CFAP20DC: variants seen among roughly 807,000 people sequenced by gnomAD.
The protein encoded by CFAP20DC is protein CFAP20DC.
In CFAP20DC, 84 loss-of-function variants were observed where a neutral mutation model predicts 101.7. The observed-to-expected ratio is 0.83, with a 90% CI of 0.69 to 0.99. The LOEUF is 0.99. CFAP20DC is among the 50% of genes least tolerant of loss of function. The pLI is 0.00. For missense variants in CFAP20DC, 1,007 were observed against 970.3 expected (o/e 1.04, Z -0.50); for synonymous variants, 359 against 351.2 (o/e 1.02, Z -0.25).
At position 58,931,076 on chromosome 3, in the gene CFAP20DC, G is replaced by A. The variant is rs1014528899; in HGVS notation, c.393+6572C>T. Among the ~76,000 whole-genome samples the A allele has an allele frequency of 1.1e-4, 16 of 152,170 alleles. 1 individual carries two copies. Among genetic ancestry groups the A allele is most frequent in the Admixed American group, 5.2e-4 (8 of 15,280 alleles). On this transcript the variant is annotated intron_variant, in intron 5 of 16. Coordinates refer to ENST00000482387, the MANE Select transcript of CFAP20DC (RefSeq NM_001394063.1). ...TGGGTCACTCCCACCCGAATACTGC[G>A]CTTTTCCGATGGGGCTTAAAAAACG... is the stretch of plus-strand genomic sequence containing the variant.
intron 12 of CFAP20DC, among the ~76,000 whole-genome samples, chr3:58,852,146 G>C (rs4308298): frequency 0.011 from 1,690 of 152,112 alleles, 40 homozygotes; most frequent in African/African-American, 0.038. Context: ...ATTGTGCTTT[G>C]TCTTCAGGAT....
chr3:58,726,165 C>G (rs1282858287), intron 3 of CFAP20DC: 5 of 152,274 alleles, frequency 3.3e-5, no homozygotes, highest in African/African-American at 9.6e-5. Context: ...ATTTCAATAC[C>G]ATTTTAGCCC....
chr3:58,939,722 T>C (rs1454715341), intron 4 of CFAP20DC, among the ~76,000 whole-genome samples: 2 of 150,348 alleles, frequency 1.3e-5, no homozygotes, highest in African/African-American at 2.5e-5. Context: ...CCTCCCAAAG[T>C]GCTGGGATTA....
At chr3:59,023,626 C>T (rs1477861450) in intron 4 of CFAP20DC, among the ~76,000 whole-genome samples, 1 of 152,010 alleles carries the variant, frequency 6.6e-6, no homozygotes, top group African/African-American at 2.4e-5. Context: ...GTGCCAGTGA[C>T]CACCAACTTT....
At chr3:58,973,613 T>C (rs969375565) in intron 4 of CFAP20DC, among the ~76,000 whole-genome samples, 11 of 152,186 alleles carry the variant, frequency 7.2e-5, no homozygotes, top group Admixed American at 1.3e-4. Context: ...CTAGAAATTA[T>C]CCTGCCTCAC....
At chr3:58,924,577 TTAGGGTAG>T (rs2085744170) in intron 5 of CFAP20DC, among the ~76,000 whole-genome samples, 1 of 152,190 alleles carries the variant, frequency 6.6e-6, no homozygotes, top group African/African-American at 2.4e-5. Flanking sequence ...TTTCTTTTCC[TTAGGGTAG>T]ACATCCAGTA....
At chr3:59,049,565 C>G in intron 1 of CFAP20DC, 46 bp downstream of exon 1, 1 of 1,517,346 alleles carries the variant, frequency 6.6e-7, no homozygotes. Context: ...CTACCTCACC[C>G]AAGAGGAGAA....
At chr3:58,743,459 T>A (rs1233604800) in intron 16 of CFAP20DC, among the ~76,000 whole-genome samples, 1 of 152,004 alleles carries the variant, frequency 6.6e-6, no homozygotes, top group African/African-American at 2.4e-5. Context: ...TAGGCTCAGG[T>A]AGAAAGAGGT....
intron 14 of CFAP20DC, among the ~76,000 whole-genome samples, chr3:58,811,721 A>C (rs980597795): frequency 6.6e-6 from 1 of 152,136 alleles, no homozygotes; most frequent in African/African-American, 2.4e-5. Flanking sequence ...TAATTAAACT[A>C]AAGAGCTTCT....
At chr3:58,982,935 G>A (rs989060404) in intron 4 of CFAP20DC, among the ~76,000 whole-genome samples, 20 of 152,080 alleles carry the variant, frequency 1.3e-4, no homozygotes, top group African/African-American at 4.3e-4. Flanking sequence ...AAATGAAAGC[G>A]AAAAGAGTAA....
At chr3:58,796,810 G>A (rs576095295) in intron 15 of CFAP20DC, among the ~76,000 whole-genome samples, 9 of 152,286 alleles carry the variant, frequency 5.9e-5, no homozygotes, top group Admixed American at 2.0e-4. Context: ...CTCACTTTGT[G>A]TCTCTGTGCC....
chr3:58,953,391 C>T (rs938001587), intron 4 of CFAP20DC: 7 of 152,172 alleles, frequency 4.6e-5, no homozygotes, highest in African/African-American at 1.2e-4. Context: ...AAATAGTTCT[C>T]AGTTAAGTCT....
At chr3:58,883,205 G>T (rs1056017351) in intron 7 of CFAP20DC, among the ~76,000 whole-genome samples, 18 of 152,058 alleles carry the variant, frequency 1.2e-4, no homozygotes, top group African/African-American at 4.1e-4. Context: ...AGTTTTCCTG[G>T]CAATTGCTCT....
chr3:58,869,259 TTTATC>T lies in CFAP20DC; in HGVS notation c.1015+64_1015+68del. 1.6e-6 allele frequency: 2 copies of T among 1,278,998 alleles called. No individual in the cohort carries two copies. Among genetic ancestry groups the T allele is most frequent in the East Asian group, 5.0e-5 (2 of 40,160 alleles). 79.2% of individuals were successfully genotyped at this position (1,278,998 alleles called of 1,614,324 possible). On this transcript the variant is annotated intron_variant, in intron 9 of 16. Transcript: ENST00000482387. The surrounding 1 kb of genome is among the most constrained non-coding windows in gnomAD (Gnocchi z 4.3). The stretch of plus-strand genomic sequence containing the variant: ...ATCTAGACTTGAATATAACTGCTGA[TTTATC>T]TTAACAAGAACATTTCTCACTATTT...
chr3:58,821,578 A>T (rs1390092708), intron 14 of CFAP20DC, among the ~76,000 whole-genome samples: 1 of 150,010 alleles, frequency 6.7e-6, no homozygotes. Context: ...AGAAATGCAA[A>T]TCAAAACCAC....
intron 4 of CFAP20DC, among the ~76,000 whole-genome samples, chr3:59,027,727 GCTT>G: frequency 6.6e-6 from 1 of 152,304 alleles, no homozygotes; most frequent in South Asian, 2.1e-4. Flanking sequence ...AGATGCAGTT[GCTT>G]CTTTTCTAAG....
At chr3:58,873,814 G>T (rs576074806) in intron 7 of CFAP20DC, among the ~76,000 whole-genome samples, 6 of 141,026 alleles carry the variant, frequency 4.3e-5, no homozygotes, top group African/African-American at 1.6e-4. Flanking sequence ...CTGGATAGCT[G>T]TTCTGGATGC....
chr3:59,037,366 T>A (rs558639000), intron 4 of CFAP20DC, among the ~76,000 whole-genome samples: 1 of 151,864 alleles, frequency 6.6e-6, no homozygotes, highest in East Asian at 1.9e-4. Flanking sequence ...GGGAGAAAAT[T>A]TTTGCAATCT....
In CFAP20DC at chr3:58,799,452, T is replaced by A. The variant is rs2073504401; in HGVS notation, c.2237+6943A>T. 6.6e-6 allele frequency among the ~76,000 whole-genome samples: 1 copy of A among 152,160 alleles called. No individual in the cohort carries two copies. Among genetic ancestry groups the A allele is most frequent in the East Asian group, 1.9e-4 (1 of 5,200 alleles). Reference sequence around the variant, plus strand: ...ACTAGAGACTCTTAAGGTAGAGAAGTATACAGGTGCTCATGGGCTCCAGCT... The same window carrying A: ...ACTAGAGACTCTTAAGGTAGAGAAGAATACAGGTGCTCATGGGCTCCAGCT... On this transcript the variant is annotated intron_variant, in intron 15 of 16. Transcript: ENST00000482387. The surrounding 1 kb of genome is among the most constrained non-coding windows in gnomAD (Gnocchi z 4.9).
Sources: allele counts gnomAD v4.1 joint callset (sites outside exome capture counted in the v4.1 genomes callset), GRCh38; gene constraint gnomAD v4.1.1; non-coding constraint Gnocchi (gnomAD v3.1); transcripts MANE v1.5; gene names NCBI Gene and HGNC (gene_info 2026-07-23, HGNC 2026-07-21).